Variants in DGKK observed in about 807,000 individuals in gnomAD.
The protein encoded by DGKK is diacylglycerol kinase kappa.
In DGKK, 35 loss-of-function variants were observed where a neutral mutation model predicts 92.2. That is an observed-to-expected ratio of 0.38 (90% CI 0.29 to 0.50). The LOEUF (loss-of-function observed/expected upper bound fraction) is 0.50, where lower values mean the gene tolerates loss of function less well. Among genes scored for constraint, DGKK ranks in the 20% least tolerant of loss-of-function variants. The probability of loss-of-function intolerance (pLI) is 0.92; values close to 1 mark genes in which losing one functional copy is unlikely to be tolerated. For synonymous variants in DGKK, 368 were observed against 360.6 expected, an observed-to-expected ratio of 1.02 and a Z score of -0.23; for missense variants, 910 against 992.2, an observed-to-expected ratio of 0.92 and a Z score of 1.11.
At chrX:50,432,733 C>T (rs1289961952) in intron 1 of DGKK, among the ~76,000 whole-genome samples, 5 of 112,171 alleles carry the variant, frequency 4.5e-5, no homozygotes, top group Admixed American at 2.8e-4. Context: ...AAAACTAGTC[C>T]GCTGGGACCA....
chrX:50,430,379 G>A (rs958961829), intron 1 of DGKK, among the ~76,000 whole-genome samples: 8 of 112,066 alleles, frequency 7.1e-5, no homozygotes, highest in African/African-American at 2.6e-4. Context: ...ACAGCACACT[G>A]CAGGCAGGGT....
In DGKK at chrX:50,403,532, A is replaced by G. The variant is rs1925065643; in HGVS notation, c.1144T>C (p.Leu382=). ...RASKDCKWNT[L]SITDDLLLPA... ...AGAAGGAGGTCATCAGTGATAGACA[A>G]TGTATTCCACTTGCAGTCTTTGCTT... The change falls in exon 6 of 28, where the codon TTG becomes CTG. Residue 382 remains leucine (L), a synonymous_variant. Transcript: ENST00000611977. The G allele has an allele frequency of 1.7e-6, 2 of 1,211,135 alleles. No individual in the cohort carries two copies. The highest frequency in any genetic ancestry group is 5.9e-5 in the East Asian group (2 of 33,805).
Position 50,403,043 on chromosome X carries a change from A to G in DGKK, c.1308+18T>C. The G allele has an allele frequency of 8.3e-7, 1 of 1,207,986 alleles. No homozygotes were observed. The stretch of plus-strand genomic sequence containing the variant: ...CAGGAGTTAAGTTCTCTAAATATCA[A>G]GATGAGAAGAGTCTTACCGTAGAAT... On this transcript the variant is annotated intron_variant, in intron 7 of 27. Coordinates refer to ENST00000611977, the MANE Select transcript of DGKK (RefSeq NM_001013742.4).
In DGKK at chrX:50,384,273, A is replaced by G; in HGVS notation, c.2453-9T>C. ...AGTGCCACGACGAGAACCTAGACACAAAAGACATCACTTGGGTGACGGATA... is the reference window on the plus strand; with the variant it reads ...AGTGCCACGACGAGAACCTAGACACGAAAGACATCACTTGGGTGACGGATA... On this transcript the variant is annotated splice_polypyrimidine_tract_variant and intron_variant, in intron 16 of 27. Coordinates refer to ENST00000611977, the MANE Select transcript of DGKK (RefSeq NM_001013742.4). The G allele has an allele frequency of 8.9e-7, 1 of 1,118,873 alleles. No individual in the cohort carries two copies. Among genetic ancestry groups the G allele is most frequent in the Non-Finnish European group, 1.2e-6 (1 of 830,645 alleles). The allele number at this position is 1,118,873 out of a possible 1,213,427, so 92.2% of individuals were successfully genotyped here.
chrX:50,378,681 G>A lies in DGKK; in HGVS notation c.2873C>T (p.Ala958Val). 8.3e-7 allele frequency: 1 copy of A among 1,199,568 alleles called. No individual in the cohort carries two copies. Among genetic ancestry groups the A allele is most frequent in the Non-Finnish European group, 1.1e-6 (1 of 886,958 alleles). The part of the protein sequence containing the change: ...GSNTATTEYE[A>V]PAIDDGKLEV... Reference sequence around the variant, plus strand: ...CAGTTTCCCATCATCGATTGCAGGAGCCTCATATTCCTGAGGAGGAAGAAC... The same window carrying A: ...CAGTTTCCCATCATCGATTGCAGGAACCTCATATTCCTGAGGAGGAAGAAC... The change falls in exon 21 of 28, where the codon GCT becomes GTT. Residue 958 changes from alanine to valine, a missense_variant. Transcript: ENST00000611977.
intron 4 of DGKK, among the ~76,000 whole-genome samples, chrX:50,418,653 G>T (rs1324599660): frequency 8.9e-6 from 1 of 111,884 alleles, no homozygotes; most frequent in Non-Finnish European, 1.9e-5. Context: ...AGCTAAAAGT[G>T]TTCCTTAATA....
At chrX:50,397,927 A>G (rs1924896567) in intron 8 of DGKK, among the ~76,000 whole-genome samples, 1 of 110,862 alleles carries the variant, frequency 9.0e-6, no homozygotes, top group Admixed American at 9.7e-5. Flanking sequence ...GAAGTAATTG[A>G]TTTGTTTGGG....
chrX:50,440,523 A>T (rs1469783038), intron 1 of DGKK, among the ~76,000 whole-genome samples: 1 of 111,631 alleles, frequency 9.0e-6, no homozygotes, highest in Non-Finnish European at 1.9e-5. Flanking sequence ...TTATTCTATT[A>T]TACTTTGTCA....
At chrX:50,386,335 C>A in intron 15 of DGKK, 23 bp downstream of exon 15, 1 of 1,158,034 alleles carries the variant, frequency 8.6e-7, no homozygotes, top group South Asian at 1.8e-5. Context: ...CTACCTCAGT[C>A]ACTACAACCC....
Position 50,404,117 on chromosome X carries a change from C to A in DGKK, c.1010G>T (p.Arg337Leu), listed in dbSNP as rs373857888. Residue 337 changes from arginine to leucine, a missense_variant, in exon 5 of 28, where the codon CGG becomes CTG. Transcript: ENST00000611977. Reference sequence around the variant, plus strand: ...TCGACAAACATTGCAGTGCTGGGTCCGGTGGCTGTAACTGGAGTACCAACA... The same window carrying A: ...TCGACAAACATTGCAGTGCTGGGTCAGGTGGCTGTAACTGGAGTACCAACA... ...MHCWYSSYSH[R>L]TQHCNVCRES... The A allele has an allele frequency of 1.2e-4, 141 of 1,208,424 alleles. No individual in the cohort carries two copies. The African/African-American group carries it at 2.3e-3, about 20-fold the overall frequency.
At chrX:50,383,629 C>T (rs1021132252) in intron 17 of DGKK, among the ~76,000 whole-genome samples, 1 of 111,569 alleles carries the variant, frequency 9.0e-6, no homozygotes, top group Non-Finnish European at 1.9e-5. Flanking sequence ...ATTGGAGTTT[C>T]TCTAACTAAT....
intron 1 of DGKK, among the ~76,000 whole-genome samples, chrX:50,456,023 A>G (rs904584815): frequency 7.1e-4 from 80 of 112,047 alleles, no homozygotes; most frequent in African/African-American, 2.4e-3. Flanking sequence ...TATAGTGCAC[A>G]ACCTGTACAA....
At chrX:50,422,674 T>C in intron 2 of DGKK, 148 bp from the exon 3 acceptor site, 2 of 342,264 alleles carry the variant, frequency 5.8e-6, no homozygotes, top group Admixed American at 1.2e-4. Context: ...ATCCAATCAT[T>C]TCTTTGGCTT....
At chrX:50,394,659 G>A (rs1393476179) in intron 8 of DGKK, among the ~76,000 whole-genome samples, 1 of 112,233 alleles carries the variant, frequency 8.9e-6, no homozygotes, top group African/African-American at 3.2e-5. Flanking sequence ...CTCTGTGCCT[G>A]CTTTATGTCC....
intron 1 of DGKK, among the ~76,000 whole-genome samples, chrX:50,429,643 C>G (rs1557230074): frequency 1.8e-5 from 2 of 112,073 alleles, no homozygotes; most frequent in African/African-American, 6.5e-5. Context: ...GAGCCGAGAT[C>G]GCGCCACTGC....
At chrX:50,413,924 A>G (rs1356462627) in intron 4 of DGKK, among the ~76,000 whole-genome samples, 1 of 112,230 alleles carries the variant, frequency 8.9e-6, no homozygotes, top group Non-Finnish European at 1.9e-5. Flanking sequence ...TCATCGCAGC[A>G]TTATTCACAA....
At chrX:50,456,745 C>T (rs1049661319) in intron 1 of DGKK, among the ~76,000 whole-genome samples, 1 of 111,329 alleles carries the variant, frequency 9.0e-6, no homozygotes, top group African/African-American at 3.3e-5. Flanking sequence ...TATGGGCCTC[C>T]TCCTAGTACA....
chrX:50,386,707 G>A, intron 14 of DGKK, 121 bp from the exon 15 acceptor site: 2 of 562,366 alleles, frequency 3.6e-6, no homozygotes, highest in South Asian at 6.2e-5. Context: ...CATAAATGCT[G>A]AGCATAGAAA....
Position 50,379,692 on chromosome X carries a change from C to G in DGKK, c.2797G>C (p.Val933Leu). 1 of 1,211,469 alleles carries G rather than the reference C, an allele frequency of 8.3e-7. No individual in the cohort carries two copies. The highest frequency in any genetic ancestry group is 1.1e-6 in the Non-Finnish European group (1 of 895,266). ...GCATAGCTGGTAATGTTGAGCACTA[C>G]AATGCCTTGCAGGTTTGGCAAGGAG... ...TISLPNLQGI[V>L]VLNITSYAGG... Residue 933 changes from valine to leucine, a missense_variant, in exon 20 of 28, where the codon GTA (valine) becomes CTA (leucine). Physicochemically the swap from Val to Leu is conservative, Grantham distance 32. Transcript: ENST00000611977.
Sources: allele counts gnomAD v4.1 joint callset (sites outside exome capture counted in the v4.1 genomes callset), GRCh38; gene constraint gnomAD v4.1.1; transcripts MANE v1.5; gene names NCBI Gene and HGNC (gene_info 2026-07-23, HGNC 2026-07-21).